TMCC1: variants seen among roughly 807,000 people sequenced by gnomAD.
TMCC1 encodes transmembrane and coiled-coil domain family 1.
A neutral mutation model predicts 52.4 loss-of-function variants in TMCC1; 15 were observed. The ratio of observed to expected loss-of-function variants is 0.29; its 90% confidence interval spans 0.19 to 0.44. The LOEUF (loss-of-function observed/expected upper bound fraction) is 0.44, where lower values mean the gene tolerates loss of function less well. Ranked by LOEUF, TMCC1 falls within the 20% of genes least tolerant of loss-of-function variation. The pLI is 1.00. For synonymous variants in TMCC1, 279 were observed against 301.9 expected (o/e 0.92, Z 0.79); for missense variants, 503 against 806.0 (o/e 0.62, Z 4.55).
In TMCC1 at chr3:129,650,748, A is replaced by G. The variant is rs913831214; in HGVS notation, c.*733T>C. ...TTTATTTTTAGGTTGGTAACTATACACATATAAAAAAACCTTAAAAGTGCG... is the reference window on the plus strand; with the variant it reads ...TTTATTTTTAGGTTGGTAACTATACGCATATAAAAAAACCTTAAAAGTGCG... On this transcript the variant is annotated 3_prime_UTR_variant, in exon 7 of 7. Transcript: ENST00000393238. The G allele has an allele frequency of 1.3e-5, 2 of 152,624 alleles. No individual in the cohort carries two copies. Among genetic ancestry groups the G allele is most frequent in the African/African-American group, 2.4e-5 (1 of 41,440 alleles). 9.5% of individuals were successfully genotyped at this position (152,624 alleles called of 1,614,324 possible). A position where few individuals can be genotyped will look rare whatever the true frequency, so the allele number is the denominator to read the frequency against.
At chr3:129,876,286 C>CAA (rs61167884) in intron 2 of TMCC1, among the ~76,000 whole-genome samples, 69 of 90,992 alleles carry the variant, frequency 7.6e-4, no homozygotes, top group African/African-American at 1.4e-3. Flanking sequence ...ATGCCTGGCT[C>CAA]AAAAAAAAAA....
intron 4 of TMCC1, among the ~76,000 whole-genome samples, chr3:129,714,127 G>A (rs992786049): frequency 7.9e-5 from 12 of 152,192 alleles, no homozygotes; most frequent in African/African-American, 2.7e-4. Context: ...TGGGGAGGGG[G>A]TGAGGGAACG....
intron 4 of TMCC1, among the ~76,000 whole-genome samples, chr3:129,684,881 C>T (rs997557236): frequency 1.3e-5 from 2 of 152,066 alleles, no homozygotes; most frequent in Admixed American, 6.5e-5. Context: ...AAGACTGAGG[C>T]TTTACAATTT....
At chr3:129,705,569 T>C in intron 4 of TMCC1, among the ~76,000 whole-genome samples, 1 of 152,082 alleles carries the variant, frequency 6.6e-6, no homozygotes, top group East Asian at 1.9e-4. Context: ...TCATGCTCAT[T>C]GGCCTGACTT....
At chr3:129,716,770 TC>T (rs2049143615) in intron 4 of TMCC1, among the ~76,000 whole-genome samples, 5 of 152,098 alleles carry the variant, frequency 3.3e-5, no homozygotes. Flanking sequence ...CATGCCAAGC[TC>T]CCTTTTAAAA....
At position 129,747,558 on chromosome 3, in the gene TMCC1, A is replaced by G. The variant is rs150275844; in HGVS notation, c.577-76294T>C. Among the ~76,000 whole-genome samples, 1,071 of 151,912 alleles carry G rather than the reference A, an allele frequency of 7.1e-3. 11 individuals are homozygous for G. Among genetic ancestry groups the G allele is most frequent in the African/African-American group, 0.025 (1,022 of 41,372 alleles). On this transcript the variant is annotated intron_variant, in intron 4 of 6. Coordinates refer to ENST00000393238, the MANE Select transcript of TMCC1 (RefSeq NM_001017395.5). ...AGTTTTCTTCCTTTCCATATTTGGA[A>G]CTCTCTTATTACTATGAGAAACCTG...
chr3:129,751,546 A>AACCC (rs1330986274), intron 4 of TMCC1, among the ~76,000 whole-genome samples: 1 of 150,900 alleles, frequency 6.6e-6, no homozygotes, highest in East Asian at 2.0e-4. Context: ...CCAACCAACC[A>AACCC]ACCCTAAACA....
chr3:129,760,723 C>T (rs1369017014), intron 4 of TMCC1, among the ~76,000 whole-genome samples: 2 of 151,650 alleles, frequency 1.3e-5, no homozygotes, highest in Non-Finnish European at 2.9e-5. Flanking sequence ...GTGATCTGCC[C>T]GCCTCGGGCT....
At chr3:129,726,760 T>G (rs886519678) in intron 4 of TMCC1, among the ~76,000 whole-genome samples, 2 of 149,432 alleles carry the variant, frequency 1.3e-5, no homozygotes, top group Admixed American at 6.7e-5. Flanking sequence ...ACACCTGTAA[T>G]CTCGGCTACT....
intron 2 of TMCC1, among the ~76,000 whole-genome samples, chr3:129,839,317 C>T (rs978902074): frequency 6.6e-6 from 1 of 151,962 alleles, no homozygotes; most frequent in Non-Finnish European, 1.5e-5. Context: ...TAACTAAATG[C>T]GAAGTGGCAA....
intron 4 of TMCC1, 114 bp downstream of exon 4, chr3:129,827,688 AC>A (rs1299122019): frequency 7.8e-7 from 1 of 1,284,052 alleles, no homozygotes; most frequent in African/African-American, 1.5e-5. Context: ...AAATTCTTTT[AC>A]CACAACTTTA....
intron 4 of TMCC1, among the ~76,000 whole-genome samples, chr3:129,730,454 G>A (rs1179008883): frequency 6.6e-6 from 1 of 152,140 alleles, no homozygotes; most frequent in Non-Finnish European, 1.5e-5. Flanking sequence ...TGTGAAATAT[G>A]AACTGGCAAT....
chr3:129,729,534 T>C (rs937143077), intron 4 of TMCC1, among the ~76,000 whole-genome samples: 4 of 152,130 alleles, frequency 2.6e-5, no homozygotes, highest in African/African-American at 9.7e-5. Context: ...AACTGTGAGA[T>C]GAAAATATTG....
At chr3:129,854,665 G>C (rs376513457) in intron 2 of TMCC1, among the ~76,000 whole-genome samples, 1 of 151,998 alleles carries the variant, frequency 6.6e-6, no homozygotes, top group Non-Finnish European at 1.5e-5. Context: ...TATTTCTTCT[G>C]TCTGGACAAC....
chr3:129,816,886 A>G (rs879815465), intron 4 of TMCC1, among the ~76,000 whole-genome samples: 7 of 151,944 alleles, frequency 4.6e-5, no homozygotes, highest in Non-Finnish European at 7.4e-5. Flanking sequence ...AAAATAAGCC[A>G]GGTGTGACGG....
intron 4 of TMCC1, among the ~76,000 whole-genome samples, chr3:129,824,423 T>C (rs1254410870): frequency 6.6e-6 from 1 of 152,206 alleles, no homozygotes; most frequent in Non-Finnish European, 1.5e-5. Context: ...TTTACCAAGG[T>C]TAGGAACAGT....
At chr3:129,734,494 T>C (rs2050787698) in intron 4 of TMCC1, among the ~76,000 whole-genome samples, 1 of 152,166 alleles carries the variant, frequency 6.6e-6, no homozygotes, top group Non-Finnish European at 1.5e-5. Context: ...GACATCAGCC[T>C]GGGCAACATG....
chr3:129,805,708 G>A (rs571338239), intron 4 of TMCC1, among the ~76,000 whole-genome samples: 6 of 152,150 alleles, frequency 3.9e-5, no homozygotes, highest in Non-Finnish European at 7.4e-5. Flanking sequence ...TGAGGCAGGA[G>A]GATTGCTTGA....
intron 2 of TMCC1, among the ~76,000 whole-genome samples, chr3:129,857,894 A>G (rs1343902483): frequency 6.6e-6 from 1 of 152,156 alleles, no homozygotes; most frequent in East Asian, 1.9e-4. Context: ...CATTATCTCA[A>G]TTGATCCTCA....
Sources: allele counts gnomAD v4.1 joint callset (sites outside exome capture counted in the v4.1 genomes callset), GRCh38; gene constraint gnomAD v4.1.1; transcripts MANE v1.5; gene names NCBI Gene and HGNC (gene_info 2026-07-23, HGNC 2026-07-21).